The following SOX6 variants were observed in gnomAD, a reference collection of about 807,000 sequenced individuals.
The protein encoded by SOX6 is transcription factor SOX-6.
Under a neutral mutation model 97.8 loss-of-function variants are expected in SOX6, and 11 were observed. That is an observed-to-expected ratio of 0.11 (90% confidence interval 0.07 to 0.19). The LOEUF (loss-of-function observed/expected upper bound fraction) is 0.19, where lower values mean the gene tolerates loss of function less well. Ranked by LOEUF, SOX6 falls within the 10% of genes least tolerant of loss-of-function variation. The pLI, the probability that SOX6 is intolerant of heterozygous loss-of-function variation, is 1.00. For synonymous variants in SOX6, 360 were observed against 371.4 expected, an observed-to-expected ratio of 0.97 and a Z score of 0.35; for missense variants, 810 against 1,039.5, an observed-to-expected ratio of 0.78 and a Z score of 3.04.
At chr11:16,076,650 T>C (rs1429752012) in intron 9 of SOX6, among the ~76,000 whole-genome samples, 2 of 149,846 alleles carry the variant, frequency 1.3e-5, no homozygotes, top group East Asian at 2.0e-4. Flanking sequence ...AGGAAACTTA[T>C]AATCATGATG....
chr11:16,290,244 A>G (rs552080197), intron 3 of SOX6, among the ~76,000 whole-genome samples: 1 of 152,152 alleles, frequency 6.6e-6, no homozygotes, highest in Non-Finnish European at 1.5e-5. Context: ...AACAGCTCAA[A>G]ATCAAAGAGT....
At chr11:16,503,523 C>G (rs76960923) in intron 4 of SOX6, among the ~76,000 whole-genome samples, 1,949 of 151,972 alleles carry the variant, frequency 0.013, 48 homozygotes, top group African/African-American at 0.045. Flanking sequence ...AAATATAGCC[C>G]AAGTATATGC....
At chr11:16,082,647 G>A (rs1228566673) in intron 9 of SOX6, among the ~76,000 whole-genome samples, 1 of 152,136 alleles carries the variant, frequency 6.6e-6, no homozygotes, top group South Asian at 2.1e-4. Context: ...GGGTACCATT[G>A]TACTAAAGGG....
At chr11:16,380,524 T>A (rs1857780286) in intron 1 of SOX6, among the ~76,000 whole-genome samples, 2 of 152,056 alleles carry the variant, frequency 1.3e-5, no homozygotes, top group African/African-American at 4.8e-5. Flanking sequence ...ACCAACCAAT[T>A]GTTTAACAAG....
At chr11:16,507,231 G>T (rs564729985) in intron 4 of SOX6, among the ~76,000 whole-genome samples, 37 of 152,100 alleles carry the variant, frequency 2.4e-4, no homozygotes, top group African/African-American at 7.7e-4. Context: ...AGCCTGTATA[G>T]CCTGCAAACC....
intron 4 of SOX6, among the ~76,000 whole-genome samples, chr11:16,213,026 C>A (rs1042661732): frequency 2.0e-5 from 3 of 152,098 alleles, no homozygotes; most frequent in Non-Finnish European, 4.4e-5. Context: ...TCTCAGGAGA[C>A]CTTGAGGTCA....
At chr11:16,588,341 C>T (rs1166463615) in intron 4 of SOX6, among the ~76,000 whole-genome samples, 1 of 152,104 alleles carries the variant, frequency 6.6e-6, no homozygotes, top group Non-Finnish European at 1.5e-5. Flanking sequence ...GCCAAAGTCA[C>T]CCAAAGTTTA....
At chr11:16,236,845 T>C (rs1853039453) in intron 3 of SOX6, among the ~76,000 whole-genome samples, 1 of 151,978 alleles carries the variant, frequency 6.6e-6, no homozygotes, top group Non-Finnish European at 1.5e-5. Context: ...ACTTAAACCA[T>C]GTGGACACAG....
At chr11:16,692,842 T>C (rs1207307404) in intron 3 of SOX6, among the ~76,000 whole-genome samples, 1 of 152,240 alleles carries the variant, frequency 6.6e-6, no homozygotes, top group Non-Finnish European at 1.5e-5. Context: ...AGAGATTGTT[T>C]ATAAACACTA....
chr11:16,496,596 TG>T (rs1427481255), intron 4 of SOX6, among the ~76,000 whole-genome samples: 1 of 152,168 alleles, frequency 6.6e-6, no homozygotes, highest in Non-Finnish European at 1.5e-5. Flanking sequence ...AGACAACACC[TG>T]GAAAATTGGG....
intron 1 of SOX6, among the ~76,000 whole-genome samples, chr11:16,467,032 TG>T (rs1860052532): frequency 6.7e-6 from 1 of 148,636 alleles, no homozygotes; most frequent in Admixed American, 6.7e-5. Flanking sequence ...AACAATCATA[TG>T]AAAAAAAAGT....
intron 12 of SOX6, among the ~76,000 whole-genome samples, chr11:16,019,542 A>G (rs1247353692): frequency 6.6e-6 from 1 of 152,128 alleles, no homozygotes; most frequent in East Asian, 1.9e-4. Context: ...TCTCTTAAAT[A>G]AACCTAAATC....
At chr11:16,667,862 A>G (rs761119453) in intron 3 of SOX6, among the ~76,000 whole-genome samples, 3 of 152,228 alleles carry the variant, frequency 2.0e-5, no homozygotes, top group Non-Finnish European at 2.9e-5. Flanking sequence ...ACCCACCAAA[A>G]GTAATAACTA....
intron 4 of SOX6, among the ~76,000 whole-genome samples, chr11:16,574,716 C>A (rs1029852307): frequency 6.6e-6 from 1 of 152,084 alleles, no homozygotes; most frequent in East Asian, 1.9e-4. Context: ...AGTTCATATA[C>A]AGAATTGTAT....
chr11:16,150,733 T>C (rs1189621269), intron 6 of SOX6, among the ~76,000 whole-genome samples: 3 of 152,228 alleles, frequency 2.0e-5, no homozygotes, highest in African/African-American at 4.8e-5. Flanking sequence ...GTTGTCTCTA[T>C]TAAGCCATTT....
intron 3 of SOX6, among the ~76,000 whole-genome samples, chr11:16,285,174 GACT>G (rs1854695739): frequency 6.6e-6 from 1 of 151,908 alleles, no homozygotes; most frequent in Admixed American, 6.6e-5. Flanking sequence ...CAAATAACTA[GACT>G]ACAACAAATA....
At chr11:16,050,013 T>G in intron 10 of SOX6, 75 bp from the exon 11 acceptor site, 1 of 1,450,102 alleles carries the variant, frequency 6.9e-7, no homozygotes, top group Non-Finnish European at 9.7e-7. Context: ...AAGCCACAGT[T>G]ATTTTACACC....
chr11:16,708,198 G>C lies in SOX6; in HGVS notation n.429+6632C>G, dbSNP rs116508340. Among the ~76,000 whole-genome samples, 1,083 of 152,272 alleles carry C rather than the reference G, an allele frequency of 7.1e-3. 14 individuals carry two copies. The highest frequency in any genetic ancestry group is 0.024 in the African/African-American group (978 of 41,550). ...TATACATGGATACTTAGGGCATACAGACCTAATGAAACCTTGAAATTCATT... is the reference window on the plus strand; with the variant it reads ...TATACATGGATACTTAGGGCATACACACCTAATGAAACCTTGAAATTCATT... On this transcript the variant is annotated intron_variant and non_coding_transcript_variant, in intron 3 of 5. Coordinates refer to the SOX6 transcript ENST00000524520.
chr11:16,119,949 T>A (rs918246763), intron 6 of SOX6, among the ~76,000 whole-genome samples: 1 of 152,142 alleles, frequency 6.6e-6, no homozygotes, highest in Admixed American at 6.6e-5. Context: ...ACACATTTTC[T>A]AGAGCATTTG....
Sources: allele counts gnomAD v4.1 joint callset (sites outside exome capture counted in the v4.1 genomes callset), GRCh38; gene constraint gnomAD v4.1.1; transcripts MANE v1.5; gene names NCBI Gene and HGNC (gene_info 2026-07-23, HGNC 2026-07-21).